The following WWTR1 variants were observed in gnomAD, a reference collection of about 807,000 sequenced individuals.
WWTR1 encodes WW domain-containing transcription regulator protein 1.
A neutral mutation model predicts 40.1 loss-of-function variants in WWTR1; 13 were observed. The ratio of observed to expected loss-of-function variants is 0.32; its 90% CI spans 0.21 to 0.52. The LOEUF (loss-of-function observed/expected upper bound fraction) is 0.52. WWTR1 is among the 20% of genes least tolerant of loss of function. WWTR1 has a pLI of 0.97. For synonymous variants in WWTR1, 230 were observed against 210.1 expected, an observed-to-expected ratio of 1.09 and a Z score of -0.82; for missense variants, 436 against 523.1, an observed-to-expected ratio of 0.83 and a Z score of 1.63.
intron 4 of WWTR1, among the ~76,000 whole-genome samples, chr3:149,721,468 T>C (rs1715757392): frequency 6.6e-6 from 1 of 152,218 alleles, no homozygotes; most frequent in African/African-American, 2.4e-5. Context: ...AGCCATAGCG[T>C]ATAATCTTTT....
At chr3:149,524,680 C>A (rs1383421166) in intron 6 of WWTR1, among the ~76,000 whole-genome samples, 1 of 152,144 alleles carries the variant, frequency 6.6e-6, no homozygotes, top group African/African-American at 2.4e-5. Flanking sequence ...ACGAAAGACG[C>A]CAGGGGAGCA....
chr3:149,552,497 A>G (rs1278075226), intron 3 of WWTR1, among the ~76,000 whole-genome samples: 2 of 152,168 alleles, frequency 1.3e-5, no homozygotes, highest in South Asian at 2.1e-4. Flanking sequence ...CCCATAACTC[A>G]TCTTCTCTAG....
At chr3:149,611,290 C>T (rs759799952) in intron 2 of WWTR1, among the ~76,000 whole-genome samples, 5 of 152,168 alleles carry the variant, frequency 3.3e-5, no homozygotes, top group Non-Finnish European at 7.3e-5. Context: ...GGTCAGCTAA[C>T]TACAGCCTGC....
At chr3:149,718,732 TTTG>T (rs1715673372) in intron 4 of WWTR1, among the ~76,000 whole-genome samples, 1 of 152,220 alleles carries the variant, frequency 6.6e-6, no homozygotes, top group South Asian at 2.1e-4. Flanking sequence ...TCATATAGTA[TTTG>T]TTGTTTTGTG....
At chr3:149,720,754 G>A (rs1041680525) in intron 4 of WWTR1, among the ~76,000 whole-genome samples, 51 of 152,092 alleles carry the variant, frequency 3.4e-4, no homozygotes, top group African/African-American at 1.2e-3. Flanking sequence ...CCGTGAACAT[G>A]AAATAGCTCT....
At chr3:149,650,544 A>G (rs928527887) in intron 2 of WWTR1, among the ~76,000 whole-genome samples, 1 of 152,162 alleles carries the variant, frequency 6.6e-6, no homozygotes, top group African/African-American at 2.4e-5. Context: ...TTCTGTTGCT[A>G]TCTCTCTGGG....
intron 1 of WWTR1, among the ~76,000 whole-genome samples, chr3:149,683,043 C>T (rs891574751): frequency 6.6e-5 from 10 of 152,122 alleles, no homozygotes; most frequent in Admixed American, 4.6e-4. Flanking sequence ...GGGGATAGCT[C>T]TATATTAGCT....
intron 2 of WWTR1, among the ~76,000 whole-genome samples, chr3:149,642,924 G>A (rs939154157): frequency 3.9e-5 from 6 of 152,164 alleles, no homozygotes; most frequent in Admixed American, 2.6e-4. Flanking sequence ...TTTATGAGCA[G>A]CACTCAAGTT....
At chr3:149,651,863 T>G (rs1399675975) in intron 2 of WWTR1, among the ~76,000 whole-genome samples, 1 of 145,734 alleles carries the variant, frequency 6.9e-6, no homozygotes, top group Non-Finnish European at 1.5e-5. Context: ...GGAGTCTGGC[T>G]CTGTTGCCCA....
At chr3:149,647,026 ATATAT>A (rs2108139665) in intron 2 of WWTR1, among the ~76,000 whole-genome samples, 1 of 152,274 alleles carries the variant, frequency 6.6e-6, no homozygotes, top group African/African-American at 2.4e-5. Context: ...GAACTCCAAG[ATATAT>A]TATACTAAGT....
intron 2 of WWTR1, among the ~76,000 whole-genome samples, chr3:149,591,884 T>C (rs1342043392): frequency 1.3e-5 from 2 of 150,454 alleles, no homozygotes; most frequent in African/African-American, 4.9e-5. Flanking sequence ...GTGAGAAACA[T>C]TGCGGGAGGG....
At chr3:149,632,055 C>T (rs771174905) in intron 2 of WWTR1, among the ~76,000 whole-genome samples, 7 of 152,032 alleles carry the variant, frequency 4.6e-5, no homozygotes, top group Admixed American at 2.6e-4. Context: ...GGACTACAGG[C>T]GCCCACCACT....
At chr3:149,554,698 T>C (rs1736746581) in intron 3 of WWTR1, among the ~76,000 whole-genome samples, 1 of 122,070 alleles carries the variant, frequency 8.2e-6, no homozygotes, top group African/African-American at 3.6e-5. Flanking sequence ...TTCTGGATCC[T>C]TTTTCCTGTA....
chr3:149,675,293 G>A (rs771607369), intron 1 of WWTR1, among the ~76,000 whole-genome samples: 27 of 152,200 alleles, frequency 1.8e-4, no homozygotes, highest in Non-Finnish European at 3.2e-4. Context: ...GATGTGAGAC[G>A]TCTGCTGAAG....
At chr3:149,621,208 C>G (rs1010857953) in intron 2 of WWTR1, among the ~76,000 whole-genome samples, 1 of 152,154 alleles carries the variant, frequency 6.6e-6, no homozygotes, top group Non-Finnish European at 1.5e-5. Context: ...TTAGGCCTCC[C>G]TTATAAAGAA....
At chr3:149,541,446 C>T (rs190297383) in intron 4 of WWTR1, among the ~76,000 whole-genome samples, 1 of 152,276 alleles carries the variant, frequency 6.6e-6, no homozygotes, top group Non-Finnish European at 1.5e-5. Context: ...CTGATTGATG[C>T]CCAGGCAGTT....
At chr3:149,585,053 A>T (rs904705224) in intron 2 of WWTR1, among the ~76,000 whole-genome samples, 1 of 152,142 alleles carries the variant, frequency 6.6e-6, no homozygotes, top group African/African-American at 2.4e-5. Context: ...AATGAACACA[A>T]GAAAATGGAG....
chr3:149,525,931 A>G (rs1233028549), intron 6 of WWTR1, 82 bp downstream of exon 6: 4 of 786,900 alleles, frequency 5.1e-6, no homozygotes, highest in Non-Finnish European at 7.5e-6. Flanking sequence ...AATAAAATAA[A>G]AGAAAAATAA....
intron 4 of WWTR1, among the ~76,000 whole-genome samples, chr3:149,529,412 T>C (rs1735469334): frequency 6.6e-6 from 1 of 151,984 alleles, no homozygotes. Context: ...ACCTGATTGA[T>C]TTAAAAAAAA....
Sources: allele counts gnomAD v4.1 joint callset (sites outside exome capture counted in the v4.1 genomes callset), GRCh38; gene constraint gnomAD v4.1.1; transcripts MANE v1.5; gene names NCBI Gene and HGNC (gene_info 2026-07-23, HGNC 2026-07-21).